Variants in RNF144A observed in about 807,000 individuals in gnomAD.
RNF144A encodes ring finger protein 144A.
RNF144A carries 11 observed loss-of-function variants against 38.7 expected under a neutral mutation model. The observed-to-expected ratio is 0.28, with a 90% CI of 0.18 to 0.47. The LOEUF (loss-of-function observed/expected upper bound fraction) is 0.47. RNF144A is among the 20% of genes least tolerant of loss of function. The pLI is 0.99. For synonymous variants in RNF144A, 149 were observed against 143.9 expected (o/e 1.04, Z -0.25); for missense variants, 316 against 377.2 (o/e 0.84, Z 1.34).
intron 2 of RNF144A, among the ~76,000 whole-genome samples, chr2:6,963,178 A>G (rs979031971): frequency 1.3e-5 from 2 of 152,232 alleles, no homozygotes; most frequent in East Asian, 3.8e-4. Context: ...AGGAGTCCTC[A>G]GGTAACATGA....
At chr2:7,073,087 G>A (rs901711980), downstream of RNF144A, among the ~76,000 whole-genome samples, 1 of 152,082 alleles carries the variant, frequency 6.6e-6, no homozygotes, top group Admixed American at 6.6e-5. Context: ...TACCCTGGCC[G>A]TACCGGACAA....
At chr2:6,919,928 A>G (rs573512258) in intron 1 of RNF144A, among the ~76,000 whole-genome samples, 3 of 152,364 alleles carry the variant, frequency 2.0e-5, no homozygotes, top group African/African-American at 7.2e-5. Context: ...TAAAATGCAT[A>G]TATTTTATAA....
Position 7,024,440 on chromosome 2 carries a change from G to A in RNF144A, c.581G>A (p.Arg194Gln), listed in dbSNP as rs1182798895. Reference protein sequence around the residue: ...RCPKCKVYIERDEGCAQMMCK... With the variant: ...RCPKCKVYIEQDEGCAQMMCK... ...CCCAAGTGCAAAGTCTACATCGAGC[G>A]AGACGAAGGCTGCGCGCAGATGATG... Residue 194 changes from arginine (R) to glutamine (Q), a missense_variant, in exon 7 of 9, where the codon CGA (arginine) becomes CAA (glutamine). By Grantham distance (43) the Arg-to-Gln change is conservative (BLOSUM62 1). Coordinates refer to ENST00000320892, the MANE Select transcript of RNF144A (RefSeq NM_014746.6). 3.1e-6 allele frequency: 5 copies of A among 1,613,168 alleles called. No individual in the cohort carries two copies. Among genetic ancestry groups the A allele is most frequent in the South Asian group, 1.1e-5 (1 of 91,072 alleles).
At chr2:6,989,377 G>A (rs541532470) in intron 2 of RNF144A, among the ~76,000 whole-genome samples, 14 of 152,292 alleles carry the variant, frequency 9.2e-5, no homozygotes, top group African/African-American at 3.1e-4. Flanking sequence ...CCATTCCAGT[G>A]TAAAGGGATA....
chr2:6,935,379 C>T (rs1217950659), intron 1 of RNF144A, among the ~76,000 whole-genome samples: 1 of 152,200 alleles, frequency 6.6e-6, no homozygotes, highest in Admixed American at 6.5e-5. Flanking sequence ...ATTCTGAGGT[C>T]ACCACCCTCT....
rs568726144 is a variant in RNF144A, at chr2:6,991,613, C to T, written c.-11-5303C>T. Among the ~76,000 whole-genome samples the T allele has an allele frequency of 2.6e-5, 4 of 152,162 alleles. No homozygotes were observed. In the South Asian group the frequency reaches 8.3e-4, roughly 32 times the overall value. ...AGCCCTGTATGTTTGTGCAGGTTAC[C>T]CTAATCCTCTCCGAACCTTGGTTTA... On this transcript the variant is annotated intron_variant, in intron 2 of 8. Transcript: ENST00000320892.
chr2:7,038,260 T>C (rs1327782542), intron 8 of RNF144A, among the ~76,000 whole-genome samples: 1 of 152,224 alleles, frequency 6.6e-6, no homozygotes, highest in Non-Finnish European at 1.5e-5. Flanking sequence ...CTTTCTTCTG[T>C]AGTAACAACC....
intron 3 of RNF144A, among the ~76,000 whole-genome samples, chr2:6,999,355 G>C (rs1333925897): frequency 6.6e-6 from 1 of 152,214 alleles, no homozygotes; most frequent in Non-Finnish European, 1.5e-5. Context: ...CTTCCCCTCT[G>C]TGTGGGCTGC....
At chr2:7,032,291 G>C (rs921110899) in intron 8 of RNF144A, among the ~76,000 whole-genome samples, 3 of 141,648 alleles carry the variant, frequency 2.1e-5, no homozygotes, top group Admixed American at 7.0e-5. Flanking sequence ...CAGCTCTGCT[G>C]GAATCCGCGC....
At chr2:7,017,836 G>A (rs1277825675) in intron 5 of RNF144A, among the ~76,000 whole-genome samples, 1 of 152,236 alleles carries the variant, frequency 6.6e-6, no homozygotes, top group Non-Finnish European at 1.5e-5. Context: ...GGCAGCACAG[G>A]AAGGACATTT....
In RNF144A at chr2:6,928,766, C is replaced by G. The variant is rs1282066466; in HGVS notation, c.-212+11144C>G. 2.0e-5 allele frequency among the ~76,000 whole-genome samples: 3 copies of G among 152,222 alleles called. 1 individual carries two copies. The highest frequency in any genetic ancestry group is 4.4e-5 in the Non-Finnish European group (3 of 68,048). ...CGGCTGGCTCCAAGGCCTCCTATCACCTGACACCCTCTGTGGTCGAGGGCT... is the reference window on the plus strand; with the variant it reads ...CGGCTGGCTCCAAGGCCTCCTATCAGCTGACACCCTCTGTGGTCGAGGGCT... On this transcript the variant is annotated intron_variant, in intron 1 of 8. Coordinates refer to ENST00000320892, the MANE Select transcript of RNF144A (RefSeq NM_014746.6).
chr2:6,926,632 TG>T (rs1664891246), intron 1 of RNF144A, among the ~76,000 whole-genome samples: 1 of 152,216 alleles, frequency 6.6e-6, no homozygotes, highest in Non-Finnish European at 1.5e-5. Flanking sequence ...AGTCCTGTCC[TG>T]GTTGTCTTTG....
rs569132709 is a variant in RNF144A, at chr2:7,010,148, A to T, written c.136-4306A>T. ...AACCCTTGCGGAGCGTGTAAGCAAT[A>T]TTCCGGAGCACCGCTGTCTCCGGGG... is the stretch of plus-strand genomic sequence containing the variant. On this transcript the variant is annotated intron_variant, in intron 3 of 8. Coordinates refer to ENST00000320892, the MANE Select transcript of RNF144A (RefSeq NM_014746.6). Among the ~76,000 whole-genome samples the T allele has an allele frequency of 2.0e-5, 3 of 152,320 alleles. No homozygotes were observed. In the East Asian group the frequency reaches 5.8e-4, roughly 29 times the overall value.
chr2:7,002,994 T>A (rs954179385), intron 3 of RNF144A, among the ~76,000 whole-genome samples: 6 of 151,736 alleles, frequency 4.0e-5, no homozygotes, highest in East Asian at 3.9e-4. Context: ...AAAAAAAGTT[T>A]AAAAAAAATA....
At chr2:6,959,464 G>A (rs1201983911) in intron 2 of RNF144A, among the ~76,000 whole-genome samples, 1 of 152,148 alleles carries the variant, frequency 6.6e-6, no homozygotes, top group African/African-American at 2.4e-5. Context: ...TTCTGTCGCT[G>A]TAATAGAGTA....
intron 2 of RNF144A, among the ~76,000 whole-genome samples, chr2:6,981,099 C>T (rs1188342644): frequency 1.3e-5 from 2 of 152,222 alleles, no homozygotes; most frequent in Non-Finnish European, 2.9e-5. Flanking sequence ...GGGCCTGGCC[C>T]TGGCCCACAA....
intron 1 of RNF144A, among the ~76,000 whole-genome samples, chr2:6,929,487 A>G (rs1301800332): frequency 2.0e-5 from 3 of 152,100 alleles, no homozygotes; most frequent in African/African-American, 7.2e-5. Flanking sequence ...TTTTCACTGA[A>G]CTCAATATAT....
chr2:6,983,710 T>C (rs1668782324), intron 2 of RNF144A, among the ~76,000 whole-genome samples: 1 of 152,132 alleles, frequency 6.6e-6, no homozygotes, highest in African/African-American at 2.4e-5. Flanking sequence ...TGTGTCTGTC[T>C]ACCTTATAGC....
intron 2 of RNF144A, among the ~76,000 whole-genome samples, chr2:6,964,319 A>T (rs1239747343): frequency 6.6e-6 from 1 of 152,234 alleles, no homozygotes; most frequent in African/African-American, 2.4e-5. Flanking sequence ...GTCAGGAAAC[A>T]ACAGGTGCTG....
Sources: gnomAD v4.1 joint callset for allele counts (sites outside exome capture counted in the v4.1 genomes callset) on GRCh38, gnomAD v4.1.1 for gene constraint, MANE v1.5 for transcripts, NCBI Gene and HGNC (gene_info 2026-07-23, HGNC 2026-07-21) for gene names.